CYP4B1: variants seen among roughly 807,000 people sequenced by gnomAD.
The protein encoded by CYP4B1 is cytochrome P450 family 4 subfamily B member 1.
In CYP4B1, 45 loss-of-function variants were observed where a neutral mutation model predicts 54.0. The ratio of observed to expected loss-of-function variants is 0.83; its 90% CI spans 0.66 to 1.07. The LOEUF (loss-of-function observed/expected upper bound fraction) is 1.07. CYP4B1 is among the 50% of genes least tolerant of loss of function. The pLI, the probability that CYP4B1 is intolerant of heterozygous loss-of-function variation, is 0.00. For synonymous variants in CYP4B1, 248 were observed against 247.5 expected (o/e 1.00, Z -0.02); for missense variants, 656 against 655.4 (o/e 1.00, Z -0.01).
At chr1:46,801,970 T>A (rs965401834) in intron 1 of CYP4B1, among the ~76,000 whole-genome samples, 3 of 152,150 alleles carry the variant, frequency 2.0e-5, no homozygotes, top group Non-Finnish European at 4.4e-5. Context: ...TTCTCCTTCT[T>A]GGTCTCTGAT....
intron 1 of CYP4B1, among the ~76,000 whole-genome samples, chr1:46,800,143 T>A (rs918734122): frequency 2.6e-5 from 4 of 152,034 alleles, no homozygotes; most frequent in Admixed American, 6.5e-5. Flanking sequence ...TCCTTTCCTT[T>A]CCCTTTCCCT....
intron 7 of CYP4B1, 76 bp downstream of exon 7, chr1:46,814,391 A>G: frequency 1.9e-6 from 2 of 1,076,750 alleles, no homozygotes; most frequent in Non-Finnish European, 2.8e-6. Context: ...AGGACAGCAG[A>G]AGGAGCTCTT....
chr1:46,811,199 G>C lies in CYP4B1; in HGVS notation c.367+15G>C, dbSNP rs769399418. The C allele has an allele frequency of 1.9e-6, 3 of 1,613,596 alleles. No individual in the cohort carries two copies. The East Asian group carries it at 6.7e-5, about 36-fold the overall frequency. On this transcript the variant is annotated intron_variant, in intron 3 of 11. Transcript: ENST00000371923. ...CCAGTGGATTGGTGAGTGAGCACCT[G>C]CCTTCCCTGCCCTGCCAACCTCAGA...
rs1355569055 is a variant in CYP4B1 at position 46,810,910 on chromosome 1, T to C, written c.283T>C (p.Tyr95His). ...ACAGTTCATTGGCTTCCTGAACATC[T>C]ATGAGCCTGACTATGCCAAAGCTGT... Reference protein sequence around the residue: ...FGQFIGFLNIYEPDYAKAVYS... With the variant: ...FGQFIGFLNIHEPDYAKAVYS... Residue 95 changes from tyrosine (Y) to histidine (H), a missense_variant, in exon 2 of 12, where the codon TAT (tyrosine) becomes CAT (histidine). Physicochemically the swap from Tyr to His is moderately conservative, Grantham distance 83. Coordinates refer to ENST00000371923, the MANE Select transcript of CYP4B1 (RefSeq NM_001099772.2). 4 of 1,613,986 alleles carry C rather than the reference T, an allele frequency of 2.5e-6. No homozygotes were observed. Among genetic ancestry groups the C allele is most frequent in the African/African-American group, 2.7e-5 (2 of 74,898 alleles).
chr1:46,814,462 C>A, intron 7 of CYP4B1, 147 bp downstream of exon 7: 1 of 674,066 alleles, frequency 1.5e-6, no homozygotes, highest in Non-Finnish European at 2.6e-6. Flanking sequence ...AACATATTAG[C>A]AGGGGTTCAG....
chr1:46,817,756 G>T (rs1392842713), intron 9 of CYP4B1, among the ~76,000 whole-genome samples: 1 of 152,170 alleles, frequency 6.6e-6, no homozygotes, highest in Non-Finnish European at 1.5e-5. Flanking sequence ...ATCAGGTGCT[G>T]TACCCAGTGC....
rs1393333501 is a variant in CYP4B1 at position 46,814,287 on chromosome 1, A to T, written c.854A>T (p.Asp285Val). Residue 285 changes from aspartate to valine, a missense_variant, in exon 7 of 12, where the codon GAC (aspartate) becomes GTC (valine). By Grantham distance (152) the Asp-to-Val change is radical. Transcript: ENST00000371923. ...AAGATCCAGAACCGGAGGCACCTGG[A>T]CTTCCTGGACATTCTCCTGGGTGCC... ...RKKIQNRRHLDFLDILLGARD... is the reference protein window; with the variant it reads ...RKKIQNRRHLVFLDILLGARD... 1 of 1,614,040 alleles carries T rather than the reference A, an allele frequency of 6.2e-7. No homozygotes were observed. Among genetic ancestry groups the T allele is most frequent in the South Asian group, 1.1e-5 (1 of 91,048 alleles).
intron 3 of CYP4B1, chr1:46,812,285 A>G (rs767262730): frequency 1.4e-6 from 1 of 689,666 alleles, no homozygotes; most frequent in Non-Finnish European, 2.6e-6. Flanking sequence ...ATCCTGTCCT[A>G]AGGAAGGAGC....
intron 11 of CYP4B1, 37 bp downstream of exon 11, chr1:46,818,250 G>A (rs747847112): frequency 5.1e-6 from 8 of 1,568,674 alleles, no homozygotes; most frequent in Non-Finnish European, 6.1e-6. Flanking sequence ...CCTCAGGACT[G>A]GGGAGGAGAG....
In CYP4B1 at chr1:46,818,011, T is replaced by C. The variant is rs778052251; in HGVS notation, c.1254T>C (p.Ala418=). 10 of 1,614,164 alleles carry C rather than the reference T, an allele frequency of 6.2e-6. No homozygotes were observed. In the South Asian group the frequency reaches 6.6e-5, roughly 11 times the overall value. The stretch of plus-strand genomic sequence containing the variant: ...TCTATGCCCTCCATAGGAACAGTGC[T>C]GTATGGCCCGACCCTGAGGTACCCT... ...MHIYALHRNS[A]VWPDPEVFDS... Residue 418 remains alanine, a synonymous_variant, in exon 10 of 12, where the codon GCT becomes GCC. Coordinates refer to ENST00000371923, the MANE Select transcript of CYP4B1 (RefSeq NM_001099772.2).
Position 46,813,621 on chromosome 1 carries a change from C to T in CYP4B1, c.620+15C>T, listed in dbSNP as rs199800510. 85 of 1,613,220 alleles carry T rather than the reference C, an allele frequency of 5.3e-5. No individual in the cohort carries two copies. The highest frequency in any genetic ancestry group is 3.8e-4 in the East Asian group (17 of 44,852). Reference sequence around the variant, plus strand: ...CTGGGCCACAGGTCAGGAGCCACCTCGGGGCTGACCGCACTGTCTCCAAAG... The same window carrying T: ...CTGGGCCACAGGTCAGGAGCCACCTTGGGGCTGACCGCACTGTCTCCAAAG... On this transcript the variant is annotated intron_variant, in intron 5 of 11. Coordinates refer to ENST00000371923, the MANE Select transcript of CYP4B1 (RefSeq NM_001099772.2).
intron 1 of CYP4B1, among the ~76,000 whole-genome samples, chr1:46,809,274 G>A (rs1679000190): frequency 6.6e-6 from 1 of 152,096 alleles, no homozygotes; most frequent in Non-Finnish European, 1.5e-5. Flanking sequence ...CATTCATGAG[G>A]GATCCACCCC....
At chr1:46,809,664 C>T (rs1679018007) in intron 1 of CYP4B1, among the ~76,000 whole-genome samples, 1 of 152,204 alleles carries the variant, frequency 6.6e-6, no homozygotes, top group African/African-American at 2.4e-5. Flanking sequence ...ATTACCATGC[C>T]TCCCCACAAA....
At position 46,812,530 on chromosome 1, in the gene CYP4B1, G is replaced by T. The variant is rs200388090; in HGVS notation, c.402G>T (p.Trp134Cys). The change falls in exon 4 of 12, where the codon TGG becomes TGT. Residue 134 changes from tryptophan (W) to cysteine (C), a missense_variant. Trp to Cys is a radical substitution (Grantham distance 215). Transcript: ENST00000371923. ...RGLLVLEGPK[W>C]LQHRKLLTPG... ...TGCTGGTTCTTGAGGGGCCCAAGTG[G>T]TTGCAGCACCGCAAGCTGCTCACAC... 31 of 1,614,000 alleles carry T rather than the reference G, an allele frequency of 1.9e-5. No homozygotes were observed. In the East Asian group the frequency reaches 6.9e-4, roughly 36 times the overall value.
intron 8 of CYP4B1, 27 bp from the exon 9 acceptor site, chr1:46,817,021 A>G: frequency 6.2e-7 from 1 of 1,610,540 alleles, no homozygotes; most frequent in Non-Finnish European, 8.5e-7. Context: ...TCCCATTCCA[A>G]GAATGTTCTG....
chr1:46,817,129 C>A lies in CYP4B1; in HGVS notation c.1155C>A (p.Tyr385Ter). Residue 385 changes from tyrosine to a stop codon, truncating the protein, a stop_gained, in exon 9 of 12, where the codon TAC becomes TAA. Transcript: ENST00000371923. LOFTEE classifies it high-confidence loss of function. Reference sequence around the variant, plus strand: ...TCTACCCACCTGTGCCCCAGGTGTACCGCCAGCTCAGCAAGCCTGTCACCT... The same window carrying A: ...TCTACCCACCTGTGCCCCAGGTGTAACGCCAGCTCAGCAAGCCTGTCACCT... ...FRLYPPVPQV[Y>*]RQLSKPVTFV... 6.2e-7 allele frequency: 1 copy of A among 1,614,172 alleles called. No homozygotes were observed. Among genetic ancestry groups the A allele is most frequent in the African/African-American group, 1.3e-5 (1 of 75,042 alleles).
At chr1:46,812,365 C>T in intron 3 of CYP4B1, 131 bp from the exon 4 acceptor site, 1 of 1,017,650 alleles carries the variant, frequency 9.8e-7, no homozygotes, top group Non-Finnish European at 1.5e-6. Context: ...GCATGGAGGG[C>T]AATACTGGGT....
intron 8 of CYP4B1, chr1:46,815,524 T>G (rs1679302545): frequency 3.0e-6 from 1 of 337,100 alleles, no homozygotes; most frequent in Non-Finnish European, 5.4e-6. Context: ...ATATTTTGTG[T>G]GCTAACTTCT....
In CYP4B1 at chr1:46,811,159, G is replaced by C; in HGVS notation, c.342G>C (p.Val114=). Reference sequence around the variant, plus strand: ...CTGCAGACCCTAAGGCCCCTGATGTGTATGACTTCTTCCTCCAGTGGATTG... The same window carrying C: ...CTGCAGACCCTAAGGCCCCTGATGTCTATGACTTCTTCCTCCAGTGGATTG... The part of the protein sequence containing the change: ...YSRGDPKAPD[V]YDFFLQWIGR... The change falls in exon 3 of 12, where the codon GTG becomes GTC. Residue 114 remains valine, a synonymous_variant. Transcript: ENST00000371923. 6.2e-7 allele frequency: 1 copy of C among 1,614,178 alleles called. No homozygotes were observed. Among genetic ancestry groups the C allele is most frequent in the Non-Finnish European group, 8.5e-7 (1 of 1,180,024 alleles).
Sources: gnomAD v4.1 joint callset for allele counts (sites outside exome capture counted in the v4.1 genomes callset) on GRCh38, gnomAD v4.1.1 for gene constraint, MANE v1.5 for transcripts, NCBI Gene and HGNC (gene_info 2026-07-23, HGNC 2026-07-21) for gene names.